CDH12: variants seen among roughly 807,000 people sequenced by gnomAD.
The protein encoded by CDH12 is cadherin-12.
Under a neutral mutation model 74.1 loss-of-function variants are expected in CDH12, and 41 were observed. That is an observed-to-expected ratio of 0.55 (90% CI 0.43 to 0.72). The LOEUF (loss-of-function observed/expected upper bound fraction) is 0.72, where lower values mean the gene tolerates loss of function less well. CDH12 is among the 30% of genes least tolerant of loss of function. The pLI is 0.00. For missense variants in CDH12, 945 were observed against 977.2 expected (o/e 0.97, Z 0.44); for synonymous variants, 399 against 355.0 (o/e 1.12, Z -1.39).
intron 4 of CDH12, among the ~76,000 whole-genome samples, chr5:22,187,958 T>C (rs1001594503): frequency 3.9e-5 from 6 of 152,128 alleles, no homozygotes; most frequent in African/African-American, 1.4e-4. Flanking sequence ...AATGGTTCTT[T>C]GTCTTGCTGG....
At chr5:22,821,600 G>A (rs1749703047) in intron 1 of CDH12, among the ~76,000 whole-genome samples, 1 of 151,760 alleles carries the variant, frequency 6.6e-6, no homozygotes, top group East Asian at 1.9e-4. Context: ...AACAGACAGA[G>A]AGCCAAATCA....
chr5:22,386,187 C>T lies in CDH12; in HGVS notation c.-333+19070G>A, dbSNP rs922504472. On this transcript the variant is annotated intron_variant, in intron 3 of 14. Coordinates refer to ENST00000382254, the MANE Select transcript of CDH12 (RefSeq NM_004061.5). ...GATTACAGGCGTGAGCCACTGCGCC[C>T]GGCCGGCTATACACTTTTAAACAAC... Among the ~76,000 whole-genome samples the T allele has an allele frequency of 3.3e-5, 5 of 152,064 alleles. 1 individual carries two copies. Among genetic ancestry groups the T allele is most frequent in the Admixed American group, 2.6e-4 (4 of 15,264 alleles).
At chr5:22,559,982 C>A (rs539507162) in intron 1 of CDH12, among the ~76,000 whole-genome samples, 1 of 152,192 alleles carries the variant, frequency 6.6e-6, no homozygotes, top group Non-Finnish European at 1.5e-5. Flanking sequence ...TTAAGTGGAG[C>A]CTTTGAGATT....
intron 2 of CDH12, among the ~76,000 whole-genome samples, chr5:22,493,660 T>C (rs1157134202): frequency 6.6e-6 from 1 of 152,022 alleles, no homozygotes; most frequent in Admixed American, 6.6e-5. Flanking sequence ...TCCAGGTAAT[T>C]ATGAATAAAA....
intron 2 of CDH12, among the ~76,000 whole-genome samples, chr5:22,436,099 T>C (rs939951063): frequency 6.6e-6 from 1 of 151,302 alleles, no homozygotes; most frequent in Non-Finnish European, 1.5e-5. Flanking sequence ...TAAAAAACGA[T>C]GAGTTAATGT....
intron 1 of CDH12, among the ~76,000 whole-genome samples, chr5:22,547,801 A>G (rs1165245450): frequency 1.3e-5 from 2 of 152,182 alleles, no homozygotes; most frequent in Non-Finnish European, 1.5e-5. Context: ...GTAGAAACAA[A>G]TATCTAATGA....
At chr5:22,054,230 T>C (rs1010696117) in intron 5 of CDH12, among the ~76,000 whole-genome samples, 2 of 152,150 alleles carry the variant, frequency 1.3e-5, no homozygotes, top group Non-Finnish European at 2.9e-5. Flanking sequence ...ATTCACTTCA[T>C]CATCACCTCC....
At chr5:22,064,810 C>T (rs991387747) in intron 5 of CDH12, among the ~76,000 whole-genome samples, 2 of 152,136 alleles carry the variant, frequency 1.3e-5, no homozygotes, top group African/African-American at 4.8e-5. Flanking sequence ...GTTTCTCTGT[C>T]TGCCCTGAAA....
At chr5:22,761,888 T>C (rs1389477223) in intron 1 of CDH12, among the ~76,000 whole-genome samples, 1 of 152,026 alleles carries the variant, frequency 6.6e-6, no homozygotes, top group African/African-American at 2.4e-5. Flanking sequence ...GTTACTGATA[T>C]GTACTTTAAT....
chr5:22,661,505 C>G (rs1446652178), intron 1 of CDH12, among the ~76,000 whole-genome samples: 1 of 151,994 alleles, frequency 6.6e-6, no homozygotes, highest in Non-Finnish European at 1.5e-5. Flanking sequence ...AATTATTGAC[C>G]TTAAAAAGGT....
At chr5:22,779,519 T>C (rs1747278810) in intron 1 of CDH12, among the ~76,000 whole-genome samples, 1 of 152,204 alleles carries the variant, frequency 6.6e-6, no homozygotes, top group Admixed American at 6.5e-5. Context: ...TGATATAGTT[T>C]GGCTCTGTGT....
At chr5:22,465,073 A>AGG (rs1244821214) in intron 2 of CDH12, among the ~76,000 whole-genome samples, 1 of 151,360 alleles carries the variant, frequency 6.6e-6, no homozygotes, top group Non-Finnish European at 1.5e-5. Flanking sequence ...AAAGAGAGAG[A>AGG]GAGAGAACTC....
intron 3 of CDH12, among the ~76,000 whole-genome samples, chr5:22,277,037 TAAG>T (rs948555099): frequency 3.3e-5 from 5 of 152,208 alleles, no homozygotes; most frequent in African/African-American, 1.2e-4. Context: ...AATTTTAACT[TAAG>T]AAGTCAGTTG....
At chr5:21,852,480 G>GT (rs1750523908) in intron 7 of CDH12, among the ~76,000 whole-genome samples, 1 of 151,274 alleles carries the variant, frequency 6.6e-6, no homozygotes, top group Non-Finnish European at 1.5e-5. Context: ...GGAAGAGTAT[G>GT]TTTTTTGGTT....
chr5:21,775,092 C>A (rs949017625), intron 11 of CDH12, among the ~76,000 whole-genome samples: 1 of 152,232 alleles, frequency 6.6e-6, no homozygotes, highest in East Asian at 1.9e-4. Context: ...CTGTGATTCA[C>A]ATTGAGGAAG....
At chr5:21,833,422 T>G (rs187433749) in intron 8 of CDH12, among the ~76,000 whole-genome samples, 1,156 of 105,802 alleles carry the variant, frequency 0.011, 22 homozygotes, top group African/African-American at 0.04. Flanking sequence ...ATATACATTA[T>G]TATATATTAT....
chr5:22,225,147 AC>A (rs1169834962), intron 3 of CDH12, among the ~76,000 whole-genome samples: 1 of 152,008 alleles, frequency 6.6e-6, no homozygotes, highest in Non-Finnish European at 1.5e-5. Flanking sequence ...ATTCGGTTGC[AC>A]CCTCTGTCTG....
intron 3 of CDH12, among the ~76,000 whole-genome samples, chr5:22,369,471 T>A (rs1293353122): frequency 1.3e-5 from 2 of 152,128 alleles, no homozygotes; most frequent in Non-Finnish European, 2.9e-5. Flanking sequence ...TTTAATTCCC[T>A]GAACAACAAG....
chr5:22,105,700 A>G lies in CDH12; in HGVS notation c.-186-26838T>C, dbSNP rs1191541506. Among the ~76,000 whole-genome samples, 8 of 150,818 alleles carry G rather than the reference A, an allele frequency of 5.3e-5. No individual in the cohort carries two copies. In the East Asian group the frequency reaches 1.6e-3, roughly 30 times the overall value. On this transcript the variant is annotated intron_variant, in intron 4 of 14. Transcript: ENST00000382254. ...GTGACAGAGCAATATTCTGTTAAAAAATAAAATAAAATAAAATAAAATAAA... is the reference window on the plus strand; with the variant it reads ...GTGACAGAGCAATATTCTGTTAAAAGATAAAATAAAATAAAATAAAATAAA...
Sources: allele counts gnomAD v4.1 joint callset (sites outside exome capture counted in the v4.1 genomes callset), GRCh38; gene constraint gnomAD v4.1.1; transcripts MANE v1.5; gene names NCBI Gene and HGNC (gene_info 2026-07-23, HGNC 2026-07-21).